DMD: variants seen among roughly 807,000 people sequenced by gnomAD.
DMD encodes dystrophin, also known as mutant dystrophin.
A neutral mutation model predicts 330.1 loss-of-function variants in DMD; 63 were observed. The ratio of observed to expected loss-of-function variants is 0.19; its 90% CI spans 0.16 to 0.24. DMD has a LOEUF of 0.24. Among genes scored for constraint, DMD ranks in the 10% least tolerant of loss-of-function variants. The probability of loss-of-function intolerance (pLI) is 1.00; values close to 1 mark genes in which losing one functional copy is unlikely to be tolerated. For synonymous variants in DMD, 1,223 were observed against 959.8 expected, an observed-to-expected ratio of 1.27 and a Z score of -5.07; for missense variants, 3,344 against 2,684.1, an observed-to-expected ratio of 1.25 and a Z score of -5.43.
intron 1 of DMD, among the ~76,000 whole-genome samples, chrX:33,251,613 T>C (rs747393434): frequency 2.7e-5 from 3 of 112,216 alleles, no homozygotes; most frequent in South Asian, 3.6e-4. Context: ...TTCAGGTATA[T>C]AGTGTTACAT....
chrX:32,095,014 G>T, intron 44 of DMD, among the ~76,000 whole-genome samples: 1 of 111,406 alleles, frequency 9.0e-6, no homozygotes, highest in Non-Finnish European at 1.9e-5. Context: ...AGAGCATGGG[G>T]CTAGAAAAAC....
intron 44 of DMD, among the ~76,000 whole-genome samples, chrX:32,033,653 G>GAAAGAAAGAAAGAAAGAAAGAAGAAAGA (rs201179363): frequency 1.7e-4 from 10 of 59,040 alleles, no homozygotes; most frequent in African/African-American, 7.0e-4. Flanking sequence ...AAGAAAGAAA[G>GAAAGAAAGAAAGAAAGAAAGAAGAAAGA]AAGAAAGAAA....
At chrX:32,840,957 A>G (rs888611205) in intron 4 of DMD, among the ~76,000 whole-genome samples, 8 of 111,931 alleles carry the variant, frequency 7.1e-5, no homozygotes, top group African/African-American at 1.9e-4. Context: ...GCATTTTCAC[A>G]TTTAGTAGAT....
chrX:32,885,830 A>G lies in DMD; in HGVS notation c.94-36010T>C, dbSNP rs1306345464. On this transcript the variant is annotated intron_variant, in intron 2 of 78. Transcript: ENST00000357033. ...CGTAATTGTTTCCCTTGAGGGGGAA[A>G]AAAAAAAAAAAAAAAAAAACCTTTC... is the stretch of plus-strand genomic sequence containing the variant. 9.6e-5 allele frequency among the ~76,000 whole-genome samples: 10 copies of G among 104,580 alleles called. No individual in the cohort carries two copies. In the East Asian group the frequency reaches 1.8e-3, roughly 18 times the overall value. The allele number at this position is 104,580 out of a possible 115,157, so 90.8% of individuals were successfully genotyped here. A position where few individuals can be genotyped will look rare whatever the true frequency, so the allele number is the denominator to read the frequency against.
intron 34 of DMD, among the ~76,000 whole-genome samples, chrX:32,369,744 T>A (rs2097866414): frequency 9.0e-6 from 1 of 111,193 alleles, no homozygotes; most frequent in South Asian, 3.8e-4. Context: ...TCTGATCTCT[T>A]TTTTCCACCC....
At chrX:32,830,849 AC>A (rs1440151580) in intron 4 of DMD, among the ~76,000 whole-genome samples, 6 of 110,921 alleles carry the variant, frequency 5.4e-5, no homozygotes, top group African/African-American at 2.0e-4. Flanking sequence ...ACTTATTGTG[AC>A]TCCAGTAGAA....
intron 16 of DMD, among the ~76,000 whole-genome samples, chrX:32,550,392 G>A (rs1438828732): frequency 1.8e-5 from 2 of 110,682 alleles, no homozygotes; most frequent in Non-Finnish European, 3.8e-5. Context: ...ATGACCTCTG[G>A]GTAAACAATA....
intron 2 of DMD, among the ~76,000 whole-genome samples, chrX:32,850,637 G>A (rs1256483299): frequency 7.2e-5 from 8 of 111,205 alleles, no homozygotes; most frequent in Non-Finnish European, 1.5e-4. Flanking sequence ...GTCTAATTCT[G>A]GGTTCTTGTT....
intron 27 of DMD, among the ~76,000 whole-genome samples, chrX:32,445,381 T>A (rs749416301): frequency 9.0e-6 from 1 of 110,633 alleles, no homozygotes; most frequent in Non-Finnish European, 1.9e-5. Flanking sequence ...TATTTTTCCC[T>A]CTTCACCCTC....
chrX:32,014,195 C>A (rs2095740444), intron 44 of DMD, among the ~76,000 whole-genome samples: 1 of 111,848 alleles, frequency 8.9e-6, no homozygotes, highest in Non-Finnish European at 1.9e-5. Context: ...ATCAAAGCCA[C>A]CTGAAGTAAT....
chrX:31,831,387 T>A (rs2093026521), intron 49 of DMD, among the ~76,000 whole-genome samples: 1 of 112,224 alleles, frequency 8.9e-6, no homozygotes, highest in Non-Finnish European at 1.9e-5. Context: ...ATGGAAATGC[T>A]ACTCAATTAA....
At chrX:31,582,228 G>T (rs2076375013) in intron 55 of DMD, among the ~76,000 whole-genome samples, 1 of 111,991 alleles carries the variant, frequency 8.9e-6, no homozygotes, top group Admixed American at 9.5e-5. Context: ...GAAGTTTGAG[G>T]TTATTTTTAA....
intron 45 of DMD, among the ~76,000 whole-genome samples, chrX:31,961,582 T>C (rs901375111): frequency 9.0e-6 from 1 of 110,772 alleles, no homozygotes. Context: ...ATGAGTGTTA[T>C]AAAAAGGGGC....
At chrX:32,637,664 A>T (rs1276305751) in intron 11 of DMD, among the ~76,000 whole-genome samples, 1 of 111,737 alleles carries the variant, frequency 8.9e-6, no homozygotes, top group Admixed American at 9.5e-5. Context: ...CTCAGAAAAA[A>T]TCATGATGGA....
chrX:33,318,673 C>T (rs2053970888), intron 1 of DMD, among the ~76,000 whole-genome samples: 1 of 109,363 alleles, frequency 9.1e-6, no homozygotes, highest in Non-Finnish European at 1.9e-5. Context: ...TCTCGAACTC[C>T]TGACCTCAAA....
intron 43 of DMD, among the ~76,000 whole-genome samples, chrX:32,280,932 C>T (rs2097418488): frequency 1.8e-5 from 2 of 112,469 alleles, no homozygotes; most frequent in African/African-American, 6.5e-5. Flanking sequence ...GAATTGCATG[C>T]TCATTCCCTA....
chrX:32,229,664 ATC>A (rs1463293777), intron 43 of DMD, among the ~76,000 whole-genome samples: 1 of 79,741 alleles, frequency 1.3e-5, no homozygotes, highest in Non-Finnish European at 2.4e-5. Context: ...ATATATATAT[ATC>A]TCAAAGAGTT....
intron 56 of DMD, among the ~76,000 whole-genome samples, chrX:31,505,999 C>T: frequency 9.0e-6 from 1 of 111,373 alleles, no homozygotes; most frequent in Non-Finnish European, 1.9e-5. Context: ...ATTATTTAGC[C>T]TCTCTGTGCC....
chrX:32,375,210 T>C (rs2097897042), intron 34 of DMD, among the ~76,000 whole-genome samples: 1 of 111,122 alleles, frequency 9.0e-6, no homozygotes, highest in African/African-American at 3.3e-5. Flanking sequence ...CTGTCGATCA[T>C]GCTTCAATGT....
Sources: gnomAD v4.1 joint callset for allele counts (sites outside exome capture counted in the v4.1 genomes callset) on GRCh38, gnomAD v4.1.1 for gene constraint, MANE v1.5 for transcripts, NCBI Gene and HGNC (gene_info 2026-07-23, HGNC 2026-07-21) for gene names.